CDH18: variants seen among roughly 807,000 people sequenced by gnomAD.
The protein encoded by CDH18 is cadherin-18.
Under a neutral mutation model 67.9 loss-of-function variants are expected in CDH18, and 31 were observed. The ratio of observed to expected loss-of-function variants is 0.46; its 90% CI spans 0.34 to 0.62. The LOEUF (loss-of-function observed/expected upper bound fraction) is 0.62, where lower values mean the gene tolerates loss of function less well. CDH18 is among the 20% of genes least tolerant of loss of function. The probability of loss-of-function intolerance (pLI) is 0.01; values close to 1 mark genes in which losing one functional copy is unlikely to be tolerated. For synonymous variants in CDH18, 362 were observed against 347.2 expected (o/e 1.04, Z -0.48); for missense variants, 890 against 975.5 (o/e 0.91, Z 1.17).
intron 8 of CDH18, among the ~76,000 whole-genome samples, chr5:19,556,522 A>G (rs1738452877): frequency 6.6e-6 from 1 of 152,102 alleles, no homozygotes; most frequent in South Asian, 2.1e-4. Flanking sequence ...TAGAAGAAAA[A>G]ACTTTAGAAC....
At chr5:20,560,834 C>G (rs1458534696) in intron 1 of CDH18, among the ~76,000 whole-genome samples, 2 of 151,818 alleles carry the variant, frequency 1.3e-5, no homozygotes, top group African/African-American at 4.8e-5. Context: ...GAAGACGAGC[C>G]ACAGACTGCA....
At chr5:20,395,057 A>G (rs1297498133) in intron 1 of CDH18, among the ~76,000 whole-genome samples, 1 of 152,180 alleles carries the variant, frequency 6.6e-6, no homozygotes, top group Admixed American at 6.5e-5. Context: ...CTAAAAGTTG[A>G]TCTATTATTC....
chr5:19,607,599 T>C (rs1167011308), intron 6 of CDH18, among the ~76,000 whole-genome samples: 4 of 151,296 alleles, frequency 2.6e-5, no homozygotes, highest in East Asian at 1.9e-4. Flanking sequence ...ATTAGCCAAA[T>C]AGCAAATGAT....
chr5:20,180,520 A>C (rs1216966528), intron 2 of CDH18, among the ~76,000 whole-genome samples: 1 of 152,126 alleles, frequency 6.6e-6, no homozygotes, highest in Non-Finnish European at 1.5e-5. Flanking sequence ...CTAAATTGTA[A>C]ATTCTTATCT....
At chr5:19,966,198 C>T (rs998940320) in intron 2 of CDH18, among the ~76,000 whole-genome samples, 2 of 152,240 alleles carry the variant, frequency 1.3e-5, no homozygotes, top group Admixed American at 6.5e-5. Context: ...ATCATTAAAA[C>T]ATACTATATG....
chr5:19,498,942 T>C (rs191973118), intron 11 of CDH18, among the ~76,000 whole-genome samples: 7 of 152,358 alleles, frequency 4.6e-5, no homozygotes, highest in Admixed American at 1.3e-4. Context: ...ATCTCTTATA[T>C]GCTGGTTGAG....
rs555043179 is a variant in CDH18, at chr5:20,493,047, A to C, written c.-580+82415T>G. Among the ~76,000 whole-genome samples, 10 of 152,234 alleles carry C rather than the reference A, an allele frequency of 6.6e-5. No homozygotes were observed. In the South Asian group the frequency reaches 2.1e-3, roughly 32 times the overall value. On this transcript the variant is annotated intron_variant, in intron 1 of 14. Coordinates refer to the CDH18 transcript ENST00000507958. ...TATGGAAATACTTCAATGTCAAAAAACTTTATGAAATATGTTTTTGGCCCG... is the reference window on the plus strand; with the variant it reads ...TATGGAAATACTTCAATGTCAAAAACCTTTATGAAATATGTTTTTGGCCCG...
chr5:19,852,157 G>A (rs1477464624), intron 2 of CDH18, among the ~76,000 whole-genome samples: 1 of 151,994 alleles, frequency 6.6e-6, no homozygotes, highest in South Asian at 2.1e-4. Flanking sequence ...GATTAACCAG[G>A]TAGTAACCAG....
intron 5 of CDH18, among the ~76,000 whole-genome samples, chr5:19,636,406 G>A (rs1221706903): frequency 6.6e-6 from 1 of 151,786 alleles, no homozygotes; most frequent in African/African-American, 2.4e-5. Flanking sequence ...AAAAATACAT[G>A]ACATAGTTTT....
chr5:19,482,271 A>T (rs1023703283), intron 12 of CDH18, among the ~76,000 whole-genome samples: 2 of 151,920 alleles, frequency 1.3e-5, no homozygotes, highest in Non-Finnish European at 2.9e-5. Context: ...GCCTGCCACC[A>T]CCCCTGGCTA....
intron 5 of CDH18, among the ~76,000 whole-genome samples, chr5:19,708,126 G>A (rs1431194589): frequency 1.3e-5 from 2 of 152,030 alleles, no homozygotes; most frequent in Non-Finnish European, 2.9e-5. Flanking sequence ...TCAAAATTTG[G>A]GAAATAATGA....
intron 2 of CDH18, among the ~76,000 whole-genome samples, chr5:20,020,281 G>A (rs1368329520): frequency 6.6e-6 from 1 of 152,202 alleles, no homozygotes; most frequent in Non-Finnish European, 1.5e-5. Context: ...CGTGAGGATA[G>A]AAAATGGGTA....
chr5:20,162,459 T>C (rs1303048585), intron 2 of CDH18, among the ~76,000 whole-genome samples: 2 of 147,076 alleles, frequency 1.4e-5, no homozygotes, highest in African/African-American at 5.0e-5. Flanking sequence ...ATATTATATA[T>C]ACATATGGAC....
In CDH18 at chr5:20,294,703, G is replaced by A. The variant is rs188572432; in HGVS notation, c.-579-39198C>T. Among the ~76,000 whole-genome samples, 4 of 152,212 alleles carry A rather than the reference G, an allele frequency of 2.6e-5. No individual in the cohort carries two copies. The East Asian group carries it at 7.7e-4, about 29-fold the overall frequency. ...TTACCTTGTCTTAAGGTTTTCTACA[G>A]TACATACTTTCTGTAAGCTGTACCA... On this transcript the variant is annotated intron_variant, in intron 1 of 14. Coordinates refer to the CDH18 transcript ENST00000507958.
At chr5:20,506,073 C>A (rs1042707525) in intron 1 of CDH18, among the ~76,000 whole-genome samples, 3 of 152,176 alleles carry the variant, frequency 2.0e-5, no homozygotes, top group African/African-American at 7.2e-5. Context: ...AAGGATGACA[C>A]ATTTTCAATT....
At chr5:20,438,649 G>A (rs1749363275) in intron 1 of CDH18, among the ~76,000 whole-genome samples, 1 of 151,414 alleles carries the variant, frequency 6.6e-6, no homozygotes, top group African/African-American at 2.4e-5. Flanking sequence ...ATCAATATGA[G>A]AAATGAGAAG....
intron 2 of CDH18, among the ~76,000 whole-genome samples, chr5:19,973,846 G>T (rs534387776): frequency 6.6e-6 from 1 of 151,896 alleles, no homozygotes; most frequent in Non-Finnish European, 1.5e-5. Context: ...TTGAGGTGAT[G>T]GCAAGAATTT....
chr5:20,108,097 T>C (rs58983332), intron 2 of CDH18, among the ~76,000 whole-genome samples: 5,823 of 152,124 alleles, frequency 0.038, 375 homozygotes, highest in African/African-American at 0.13. Flanking sequence ...TTTTGTTTTG[T>C]TTTGAGGCAG....
chr5:19,529,855 G>A lies in CDH18; in HGVS notation c.1391-9077C>T, dbSNP rs549530502. On this transcript the variant is annotated intron_variant, in intron 9 of 12. Coordinates refer to ENST00000382275, the MANE Select transcript of CDH18 (RefSeq NM_004934.5). ...GATAAAATGCTCAATGTTGTTCATTGAGGTGTCCATGCTCCCAAATTGAAA... is the reference window on the plus strand; with the variant it reads ...GATAAAATGCTCAATGTTGTTCATTAAGGTGTCCATGCTCCCAAATTGAAA... Among the ~76,000 whole-genome samples the A allele has an allele frequency of 4.6e-5, 7 of 152,186 alleles. No individual in the cohort carries two copies. The South Asian group carries it at 1.2e-3, about 27-fold the overall frequency.
Sources: allele counts gnomAD v4.1 joint callset (sites outside exome capture counted in the v4.1 genomes callset), GRCh38; gene constraint gnomAD v4.1.1; transcripts MANE v1.5; gene names NCBI Gene and HGNC (gene_info 2026-07-23, HGNC 2026-07-21).